PRKAR1B: variants seen among roughly 807,000 people sequenced by gnomAD.
PRKAR1B encodes the protein cAMP-dependent protein kinase type I-beta regulatory subunit.
In PRKAR1B, 22 loss-of-function variants were observed where a neutral mutation model predicts 46.5. The ratio of observed to expected loss-of-function variants is 0.47; its 90% CI spans 0.34 to 0.68. PRKAR1B has a LOEUF of 0.68. PRKAR1B is among the 30% of genes least tolerant of loss of function. PRKAR1B has a pLI of 0.01. For synonymous variants in PRKAR1B, 259 were observed against 217.7 expected, an observed-to-expected ratio of 1.19 and a Z score of -1.67; for missense variants, 445 against 535.6, an observed-to-expected ratio of 0.83 and a Z score of 1.67.
chr7:650,852 C>A (rs911708289), intron 4 of PRKAR1B, among the ~76,000 whole-genome samples: 5 of 152,324 alleles, frequency 3.3e-5, no homozygotes, highest in African/African-American at 1.2e-4. Context: ...TGAGGCAAAG[C>A]TGCTGCCTCC....
intron 2 of PRKAR1B, among the ~76,000 whole-genome samples, chr7:699,098 C>T (rs1461185742): frequency 2.0e-5 from 3 of 152,232 alleles, no homozygotes; most frequent in Admixed American, 6.5e-5. Context: ...GAACCCTGCA[C>T]CCTGCCCCAG....
In PRKAR1B at chr7:550,567, C is replaced by T. The variant is rs1784117525; in HGVS notation, c.1009G>A (p.Ala337Thr). The change falls in exon 11 of 11, where the codon GCC (alanine) becomes ACC (threonine). Residue 337 changes from alanine (A) to threonine (T), a missense_variant. Ala to Thr is a moderately conservative substitution (Grantham distance 58). Around this residue, in one of 5 missense-constraint regions of PRKAR1B, gnomAD observed 127 missense variants for 138.0 expected, o/e 0.92. Transcript: ENST00000537384. ...AGGGGCCCCCGGGCCACGACAGTGG[C>T]CGCCCGGGGCCGGTTCAGCAGCAGT... ...IALLLNRPRA[A>T]TVVARGPLKC... 3.1e-6 allele frequency: 5 copies of T among 1,593,612 alleles called. No individual in the cohort carries two copies. The East Asian group carries it at 9.0e-5, about 29-fold the overall frequency.
At chr7:686,753 A>G (rs1779117451) in intron 2 of PRKAR1B, among the ~76,000 whole-genome samples, 1 of 152,084 alleles carries the variant, frequency 6.6e-6, no homozygotes, top group African/African-American at 2.4e-5. Context: ...TACAAGGCCA[A>G]TTTCAAGGAG....
chr7:553,090 C>T (rs992794175), intron 9 of PRKAR1B, among the ~76,000 whole-genome samples: 8 of 152,226 alleles, frequency 5.3e-5, no homozygotes, highest in Middle Eastern at 3.2e-3. Context: ...GTGGAAACCG[C>T]GGCCTGGCAC....
In PRKAR1B at chr7:606,207, G is replaced by T; in HGVS notation, c.535C>A (p.Gln179Lys). The change falls in exon 6 of 11, where the codon CAA becomes AAA. Residue 179 changes from glutamine (Q) to lysine (K), a missense_variant. Physicochemically the swap from Gln to Lys is moderately conservative, Grantham distance 53. Transcript: ENST00000537384. ...GCGACACTCACATCCACTTCCCCTTGATCAACGACATAGAAGTTGTCTCCT... is the reference window on the plus strand; with the variant it reads ...GCGACACTCACATCCACTTCCCCTTTATCAACGACATAGAAGTTGTCTCCT... ...NEGDNFYVVDQGEVDVYVNGE... is the reference protein window; with the variant it reads ...NEGDNFYVVDKGEVDVYVNGE... 2 of 1,613,936 alleles carry T rather than the reference G, an allele frequency of 1.2e-6. No individual in the cohort carries two copies. Among genetic ancestry groups the T allele is most frequent in the African/African-American group, 1.3e-5 (1 of 75,026 alleles).
intron 6 of PRKAR1B, among the ~76,000 whole-genome samples, chr7:596,525 A>C (rs1156387494): frequency 3.3e-5 from 5 of 152,220 alleles, no homozygotes; most frequent in Non-Finnish European, 2.9e-5. Flanking sequence ...ACGGTGGGAC[A>C]GCATCAGACC....
intron 2 of PRKAR1B, among the ~76,000 whole-genome samples, chr7:699,544 C>G (rs1287731256): frequency 6.6e-6 from 1 of 152,146 alleles, no homozygotes; most frequent in Non-Finnish European, 1.5e-5. Context: ...AAAGACCCTC[C>G]CTCCCTGCAG....
intron 4 of PRKAR1B, among the ~76,000 whole-genome samples, chr7:660,718 T>C (rs368831006): frequency 0.16 from 2,369 of 15,038 alleles, no homozygotes; most frequent in Middle Eastern, 0.19. Flanking sequence ...TACTCTCCCC[T>C]CCATGGCACA....
chr7:616,596 G>T (rs570988551), intron 4 of PRKAR1B, among the ~76,000 whole-genome samples: 5 of 152,282 alleles, frequency 3.3e-5, no homozygotes, highest in South Asian at 2.1e-4. Flanking sequence ...GGCAGCCATC[G>T]CACAGCGGCT....
chr7:705,350 G>A (rs1163200764), intron 2 of PRKAR1B, among the ~76,000 whole-genome samples: 2 of 150,218 alleles, frequency 1.3e-5, no homozygotes, highest in African/African-American at 2.5e-5. Context: ...CATTTTAGGT[G>A]CCACCATATA....
At chr7:719,171 G>C (rs74990065) in intron 1 of PRKAR1B, among the ~76,000 whole-genome samples, 52,080 of 151,566 alleles carry the variant, frequency 0.34, 9,038 homozygotes, top group South Asian at 0.49. Context: ...TCCCGAGTAG[G>C]TGGGATTACA....
chr7:628,046 G>A (rs1783512315), intron 4 of PRKAR1B, among the ~76,000 whole-genome samples: 1 of 152,024 alleles, frequency 6.6e-6, no homozygotes, highest in Non-Finnish European at 1.5e-5. Context: ...GGGGGGAGTG[G>A]GACTGAAGGC....
At chr7:583,783 C>T (rs1475434091) in intron 8 of PRKAR1B, among the ~76,000 whole-genome samples, 1 of 148,474 alleles carries the variant, frequency 6.7e-6, no homozygotes, top group Non-Finnish European at 1.5e-5. Context: ...CTCACGTGTA[C>T]ACCCATGTGC....
In PRKAR1B at chr7:551,435, A is replaced by G; in HGVS notation, c.927T>C (p.Asn309=). The G allele has an allele frequency of 6.4e-7, 1 of 1,560,388 alleles. No homozygotes were observed. The highest frequency in any genetic ancestry group is 1.2e-5 in the South Asian group (1 of 84,872). The change falls in exon 10 of 11, where the codon AAT becomes AAC. Residue 309 remains asparagine, a synonymous_variant. Transcript: ENST00000537384. ...GGCGCCCCACCTCCACGTACTCCTC[A>G]TTGGGGGACCGGCGCTGCAGCACGG... The part of the protein sequence containing the change: ...TASVLQRRSP[N]EEYVEVGRLG...
intron 4 of PRKAR1B, among the ~76,000 whole-genome samples, chr7:618,426 T>C (rs1325433516): frequency 2.0e-5 from 3 of 152,220 alleles, no homozygotes; most frequent in African/African-American, 7.2e-5. Context: ...GCAATTGCTA[T>C]AAGATACTTG....
At chr7:551,565 C>T (rs1221855250) in intron 9 of PRKAR1B, 95 bp from the exon 10 acceptor site, 4 of 1,208,178 alleles carry the variant, frequency 3.3e-6, no homozygotes, top group South Asian at 1.3e-5. Flanking sequence ...ACCACCCAAA[C>T]CCCCACCTCC....
chr7:704,921 C>T (rs1013916890), intron 2 of PRKAR1B, among the ~76,000 whole-genome samples: 9 of 152,122 alleles, frequency 5.9e-5, no homozygotes, highest in Non-Finnish European at 8.8e-5. Flanking sequence ...AGACACTTCA[C>T]CAAAGAAGAT....
rs150571563 is a variant in PRKAR1B at position 671,160 on chromosome 7, C to G, written c.440+6069G>C. Among the ~76,000 whole-genome samples, 642 of 152,338 alleles carry G rather than the reference C, an allele frequency of 4.2e-3. 8 individuals carry two copies. The highest frequency in any genetic ancestry group is 0.015 in the African/African-American group (604 of 41,576). ...GGCCCTGAACACCACCCACCCTCCC[C>G]AACCCACCGCTTCTCCGTCCCTCCG... On this transcript the variant is annotated intron_variant, in intron 4 of 10. Transcript: ENST00000537384.
chr7:666,417 C>G lies in PRKAR1B; in HGVS notation c.440+10812G>C, dbSNP rs1054754659. 2.0e-5 allele frequency among the ~76,000 whole-genome samples: 3 copies of G among 152,144 alleles called. No homozygotes were observed. The highest frequency in any genetic ancestry group is 4.4e-5 in the Non-Finnish European group (3 of 68,018). On this transcript the variant is annotated intron_variant, in intron 4 of 10. Coordinates refer to ENST00000537384, the MANE Select transcript of PRKAR1B (RefSeq NM_001164760.2). The surrounding 1 kb of genome is among the most constrained non-coding windows in gnomAD (Gnocchi z 4.9). ...CGAGGCGTAACTGCCCCGGGCACCC[C>G]AGGTAGGATGCGGAATCTGCTTCGC...
Sources: allele counts gnomAD v4.1 joint callset (sites outside exome capture counted in the v4.1 genomes callset), GRCh38; gene constraint gnomAD v4.1.1; regional missense constraint gnomAD v4.1.1; non-coding constraint Gnocchi (gnomAD v3.1); transcripts MANE v1.5; gene names NCBI Gene and HGNC (gene_info 2026-07-23, HGNC 2026-07-21).